ALDH16A1: variants seen among roughly 807,000 people sequenced by gnomAD.
ALDH16A1 encodes the protein aldehyde dehydrogenase family 16 member A1.
A neutral mutation model predicts 96.1 loss-of-function variants in ALDH16A1; 88 were observed. That is an observed-to-expected ratio of 0.92 (90% CI 0.77 to 1.09). The LOEUF is 1.09. Ranked by LOEUF, ALDH16A1 falls within the 50% of genes least tolerant of loss-of-function variation. The probability of loss-of-function intolerance (pLI) is 0.00; values close to 1 mark genes in which losing one functional copy is unlikely to be tolerated. For synonymous variants in ALDH16A1, 522 were observed against 496.4 expected (o/e 1.05, Z -0.69); for missense variants, 1,250 against 1,112.6 (o/e 1.12, Z -1.76).
rs748594854 is a variant in ALDH16A1 at position 49,460,887 on chromosome 19, G to A, written c.565G>A (p.Ala189Thr). ...TGAGATGATGTGGAGGATTTGCCCT[G>A]CCCTGGCTGTGGGTAAATGATGGCC... ...FLEMMWRICP[A>T]LAVGCTVVAL... The change falls in exon 5 of 17, where the codon GCC becomes ACC. Residue 189 changes from alanine to threonine, a missense_variant. Transcript: ENST00000293350. The A allele has an allele frequency of 6.2e-7, 1 of 1,613,500 alleles. No homozygotes were observed. The highest frequency in any genetic ancestry group is 8.5e-7 in the Non-Finnish European group (1 of 1,179,950).
chr19:49,469,053 AAC>A (rs1336966948), intron 16 of ALDH16A1, 67 bp downstream of exon 16: 15 of 1,552,430 alleles, frequency 9.7e-6, no homozygotes, highest in African/African-American at 4.1e-5. Context: ...CTTTTCTGGA[AAC>A]ACAGCCCCGC....
chr19:49,457,286 G>A (rs1338396630), intron 1 of ALDH16A1, among the ~76,000 whole-genome samples: 12 of 151,894 alleles, frequency 7.9e-5, no homozygotes, highest in African/African-American at 2.9e-4. Flanking sequence ...AGTGGCTCAC[G>A]CCTGTAATCT....
At chr19:49,456,123 T>C (rs1337382257) in intron 1 of ALDH16A1, among the ~76,000 whole-genome samples, 2 of 152,178 alleles carry the variant, frequency 1.3e-5, no homozygotes, top group Non-Finnish European at 2.9e-5. Flanking sequence ...TGTTTTTCTT[T>C]TGGGGGGAAG....
intron 7 of ALDH16A1, 96 bp downstream of exon 7, chr19:49,462,132 T>C: frequency 3.6e-6 from 5 of 1,391,278 alleles, no homozygotes; most frequent in Non-Finnish European, 4.7e-6. Context: ...TTTTATTTTA[T>C]TTTATTTTAT....
At chr19:49,453,571 C>T in intron 1 of ALDH16A1, 150 bp downstream of exon 1, 1 of 695,334 alleles carries the variant, frequency 1.4e-6, no homozygotes, top group Non-Finnish European at 2.4e-6. Flanking sequence ...GGATCGCGCC[C>T]TGTAGGACGC....
At position 49,466,224 on chromosome 19, in the gene ALDH16A1, A is replaced by T. The variant is rs2079197386; in HGVS notation, c.1879A>T (p.Ser627Cys). Residue 627 changes from serine to cysteine, a missense_variant, in exon 14 of 17, where the codon AGC becomes TGC. Ser to Cys is a moderately radical substitution (Grantham distance 112). Coordinates refer to ENST00000293350, the MANE Select transcript of ALDH16A1 (RefSeq NM_153329.4). ...LKAAEAEVELSARRLRAWGAR... is the reference protein window; with the variant it reads ...LKAAEAEVELCARRLRAWGAR... ...GGCTGCGGAGGCGGAGGTGGAGCTG[A>T]GCGCAAGACGACTTCGGGCGTGGGG... The T allele has an allele frequency of 6.6e-6, 10 of 1,512,568 alleles. No homozygotes were observed. Among genetic ancestry groups the T allele is most frequent in the African/African-American group, 1.4e-5 (1 of 72,402 alleles). 93.7% of individuals were successfully genotyped at this position (1,512,568 alleles called of 1,614,324 possible).
In ALDH16A1 at chr19:49,459,134, C is replaced by T. The variant is rs370115456; in HGVS notation, c.320+48C>T. 3.2e-6 allele frequency: 5 copies of T among 1,577,710 alleles called. No individual in the cohort carries two copies. In the African/African-American group the frequency reaches 6.8e-5, roughly 21 times the overall value. On this transcript the variant is annotated intron_variant, in intron 3 of 16. Transcript: ENST00000293350. This position sits in a 1 kb window ranked among gnomAD's most constrained non-coding sequence, Gnocchi z 4.1. ...CCCGGGAGGCGGGGAACCCCAGCAT[C>T]CACTCGAGACCATGGGAACAAAGGC...
chr19:49,461,395 T>TG (rs1250943406), intron 5 of ALDH16A1, among the ~76,000 whole-genome samples: 21 of 138,300 alleles, frequency 1.5e-4, no homozygotes, highest in African/African-American at 4.9e-4. Context: ...GAGGAGGGGC[T>TG]GGAGTCTGGA....
Position 49,462,581 on chromosome 19 carries a change from G to T in ALDH16A1, c.924G>T (p.Arg308Ser). The T allele has an allele frequency of 1.2e-6, 2 of 1,612,854 alleles. No individual in the cohort carries two copies. Among genetic ancestry groups the T allele is most frequent in the South Asian group, 1.1e-5 (1 of 91,022 alleles). ...CCTTTTCCTCACAGGGTGGCCTCAG[G>T]CTCCTCATCCAGGAGTCTGTGTGGG... The part of the protein sequence containing the change: ...AWSDRGPGGL[R>S]LLIQESVWDE... The change falls in exon 8 of 17, where the codon AGG (arginine) becomes AGT (serine). Residue 308 changes from arginine to serine, a missense_variant. Arg to Ser is a moderately radical substitution (Grantham distance 110, BLOSUM62 -1). Coordinates refer to ENST00000293350, the MANE Select transcript of ALDH16A1 (RefSeq NM_153329.4).
rs772032354 is a variant in ALDH16A1, at chr19:49,459,805, G to A, written c.456G>A (p.Gln152=). The A allele has an allele frequency of 6.2e-7, 1 of 1,613,508 alleles. No individual in the cohort carries two copies. The highest frequency in any genetic ancestry group is 8.5e-7 in the Non-Finnish European group (1 of 1,179,886). The change falls in exon 4 of 17, where the codon CAG becomes CAA. Residue 152 remains glutamine, a synonymous_variant. Coordinates refer to ENST00000293350, the MANE Select transcript of ALDH16A1 (RefSeq NM_153329.4). This position sits in a 1 kb window ranked among gnomAD's most constrained non-coding sequence, Gnocchi z 4.1. ...AGCTGCTCCACTACCATGCAATCCAGGCATCCACCCAGGAGGAGGCACTGG... is the reference window on the plus strand; with the variant it reads ...AGCTGCTCCACTACCATGCAATCCAAGCATCCACCCAGGAGGAGGCACTGG... ...AQQLLHYHAI[Q]ASTQEEALAG...
In ALDH16A1 at chr19:49,460,855, C is replaced by A; in HGVS notation, c.533C>A (p.Ser178Tyr). The A allele has an allele frequency of 6.2e-7, 1 of 1,613,728 alleles. No homozygotes were observed. The highest frequency in any genetic ancestry group is 8.5e-7 in the Non-Finnish European group (1 of 1,179,982). ...VIGLILPPTF[S>Y]FLEMMWRICP... ...GGCCTCATCCTGCCACCCACATTCT[C>A]CTTCCTTGAGATGATGTGGAGGATT... Residue 178 changes from serine to tyrosine, a missense_variant, in exon 5 of 17, where the codon TCC becomes TAC. Physicochemically the swap from Ser to Tyr is moderately radical, Grantham distance 144. Coordinates refer to ENST00000293350, the MANE Select transcript of ALDH16A1 (RefSeq NM_153329.4).
In ALDH16A1 at chr19:49,460,913, TG is replaced by T. The variant is rs755445622; in HGVS notation, c.577+20del. 2.5e-6 allele frequency: 4 copies of T among 1,610,670 alleles called. No homozygotes were observed. The highest frequency in any genetic ancestry group is 1.7e-5 in the Admixed American group (1 of 59,998). On this transcript the variant is annotated intron_variant, in intron 5 of 16. Coordinates refer to ENST00000293350, the MANE Select transcript of ALDH16A1 (RefSeq NM_153329.4). ...CCCTGGCTGTGGGTAAATGATGGCCTGGGGGGTCCTGACTCTTGGGTCTGAG... is the reference window on the plus strand; with the variant it reads ...CCCTGGCTGTGGGTAAATGATGGCCTGGGGGTCCTGACTCTTGGGTCTGAG...
At position 49,468,402 on chromosome 19, in the gene ALDH16A1, G is replaced by C; in HGVS notation, c.1960G>C (p.Val654Leu). The change falls in exon 15 of 17, where the codon GTG becomes CTG. Residue 654 changes from valine (V) to leucine (L), a missense_variant. Val to Leu is a conservative substitution (Grantham distance 32). Coordinates refer to ENST00000293350, the MANE Select transcript of ALDH16A1 (RefSeq NM_153329.4). The surrounding 1 kb of genome is among the most constrained non-coding windows in gnomAD (Gnocchi z 4.4). Reference sequence around the variant, plus strand: ...GCAGGTAGCCGGGCTGAGAGGCCCTGTGCTGCGCCTGCGGGAGCCGCTGGG... The same window carrying C: ...GCAGGTAGCCGGGCTGAGAGGCCCTCTGCTGCGCCTGCGGGAGCCGCTGGG... Reference protein sequence around the residue: ...TLQVAGLRGPVLRLREPLGVL... With the variant: ...TLQVAGLRGPLLRLREPLGVL... 6.3e-7 allele frequency: 1 copy of C among 1,599,886 alleles called. No homozygotes were observed. The highest frequency in any genetic ancestry group is 8.5e-7 in the Non-Finnish European group (1 of 1,179,760).
At chr19:49,465,697 T>G (rs1426977856) in intron 12 of ALDH16A1, 41 bp from the exon 13 acceptor site, 6 of 1,582,156 alleles carry the variant, frequency 3.8e-6, no homozygotes, top group Non-Finnish European at 5.2e-6. Context: ...CTGAGCAGAT[T>G]GAGGCCCCAG....
chr19:49,466,910 G>A (rs151179052), intron 14 of ALDH16A1, among the ~76,000 whole-genome samples: 25 of 151,674 alleles, frequency 1.6e-4, no homozygotes, highest in South Asian at 1.3e-3. Context: ...GGTGGCTCAC[G>A]CCTGTAATCC....
intron 1 of ALDH16A1, among the ~76,000 whole-genome samples, chr19:49,455,802 G>C (rs992405525): frequency 3.9e-5 from 6 of 152,200 alleles, no homozygotes; most frequent in South Asian, 2.1e-4. Flanking sequence ...CAGACCCGTG[G>C]TCTTGCCTAC....
In ALDH16A1 at chr19:49,468,559, T is replaced by C. The variant is rs145950701; in HGVS notation, c.2117T>C (p.Val706Ala). The C allele has an allele frequency of 4.0e-4, 638 of 1,603,758 alleles. 4 individuals carry two copies. Among genetic ancestry groups the C allele is most frequent in the Non-Finnish European group, 7.8e-5 (92 of 1,179,832 alleles). ...GCCTGTCCTCTGCTGGCCCTGGAGGTCTGCCAGGTATAGCCCCCTGCCTTC... is the reference window on the plus strand; with the variant it reads ...GCCTGTCCTCTGCTGGCCCTGGAGGCCTGCCAGGTATAGCCCCCTGCCTTC... ...SAACPLLALE[V>A]CQDMATVFPA... Residue 706 changes from valine (V) to alanine (A), a missense_variant, in exon 15 of 17, where the codon GTC becomes GCC. By Grantham distance (64) the Val-to-Ala change is moderately conservative. Coordinates refer to ENST00000293350, the MANE Select transcript of ALDH16A1 (RefSeq NM_153329.4). The surrounding 1 kb of genome is among the most constrained non-coding windows in gnomAD (Gnocchi z 4.4).
In ALDH16A1 at chr19:49,464,722, G is replaced by A. The variant is rs2079184054; in HGVS notation, c.1528G>A (p.Val510Ile). 1.2e-6 allele frequency: 2 copies of A among 1,613,500 alleles called. No homozygotes were observed. The highest frequency in any genetic ancestry group is 1.3e-5 in the African/African-American group (1 of 74,924). ...NLNYDTFGLA[V>I]PSTLPAGPEI... Reference sequence around the variant, plus strand: ...GAACTATGACACCTTTGGCCTCGCTGTTCCCTCAACCCTGCCGGCTGGGCC... The same window carrying A: ...GAACTATGACACCTTTGGCCTCGCTATTCCCTCAACCCTGCCGGCTGGGCC... Residue 510 changes from valine to isoleucine, a missense_variant, in exon 12 of 17, where the codon GTT becomes ATT. By Grantham distance (29) the Val-to-Ile change is conservative. Transcript: ENST00000293350.
intron 16 of ALDH16A1, 91 bp downstream of exon 16, chr19:49,469,077 T>C (rs1000374359): frequency 1.3e-6 from 2 of 1,497,712 alleles, no homozygotes; most frequent in Non-Finnish European, 1.8e-6. Flanking sequence ...CTCTTAGAAC[T>C]CCTGTTGGTA....
Sources: allele counts gnomAD v4.1 joint callset (sites outside exome capture counted in the v4.1 genomes callset), GRCh38; gene constraint gnomAD v4.1.1; non-coding constraint Gnocchi (gnomAD v3.1); transcripts MANE v1.5; gene names NCBI Gene and HGNC (gene_info 2026-07-23, HGNC 2026-07-21).